Variants in SAP30 observed in about 807,000 individuals in gnomAD.
SAP30 encodes the protein histone deacetylase complex subunit SAP30.
In SAP30, 13 loss-of-function variants were observed where a neutral mutation model predicts 19.6. The ratio of observed to expected loss-of-function variants is 0.66; its 90% CI spans 0.43 to 1.05. The LOEUF (loss-of-function observed/expected upper bound fraction) is 1.05. Ranked by LOEUF, SAP30 falls within the 50% of genes least tolerant of loss-of-function variation. SAP30 has a pLI of 0.00. For synonymous variants in SAP30, 108 were observed against 122.7 expected, an observed-to-expected ratio of 0.88 and a Z score of 0.79; for missense variants, 257 against 292.1, an observed-to-expected ratio of 0.88 and a Z score of 0.88.
chr4:173,375,176 T>C (rs1183807925), intron 3 of SAP30, among the ~76,000 whole-genome samples: 3 of 151,832 alleles, frequency 2.0e-5, no homozygotes, highest in Non-Finnish European at 2.9e-5. Context: ...CTAGACAAAA[T>C]AGAAGTGTAG....
rs201332681 is a variant in SAP30, at chr4:173,371,094, G to C, written c.-89G>C. On this transcript the variant is annotated 5_prime_UTR_variant, in exon 1 of 4. Coordinates refer to ENST00000296504, the MANE Select transcript of SAP30 (RefSeq NM_003864.4). The surrounding 1 kb of genome is among the most constrained non-coding windows in gnomAD (Gnocchi z 6.4). ...GTGCCGCTGTCTAACTTGGTGTGCA[G>C]AGTGAATTGCCGCTGCCGGAGCGGA... 8.9e-4 allele frequency: 1,183 copies of C among 1,331,362 alleles called. 2 individuals are homozygous for C. Among genetic ancestry groups the C allele is most frequent in the Non-Finnish European group, 9.1e-4 (939 of 1,030,748 alleles). The allele number at this position is 1,331,362 out of a possible 1,614,324, so 82.5% of individuals were successfully genotyped here.
chr4:173,375,120 G>A (rs1271979592), intron 3 of SAP30, among the ~76,000 whole-genome samples: 1 of 150,782 alleles, frequency 6.6e-6, no homozygotes, highest in Non-Finnish European at 1.5e-5. Context: ...AGTCACCATG[G>A]GCAACATAGC....
intron 3 of SAP30, among the ~76,000 whole-genome samples, chr4:173,376,031 G>A (rs1299061411): frequency 6.6e-6 from 1 of 152,200 alleles, no homozygotes; most frequent in African/African-American, 2.4e-5. Context: ...CCCTCAATCT[G>A]TGCAAAAATT....
In SAP30 at chr4:173,371,894, C is replaced by G. The variant is rs1033900483; in HGVS notation, c.315+397C>G. On this transcript the variant is annotated intron_variant, in intron 1 of 3. Transcript: ENST00000296504. This position sits in a 1 kb window ranked among gnomAD's most constrained non-coding sequence, Gnocchi z 6.4. ...AGGCGCCTTTGTTTTGCTGCCCAAG[C>G]TGGTGTTTGGCCCCAGGCGGTACTA... Among the ~76,000 whole-genome samples the G allele has an allele frequency of 6.6e-6, 1 of 152,220 alleles. No individual in the cohort carries two copies. Among genetic ancestry groups the G allele is most frequent in the African/African-American group, 2.4e-5 (1 of 41,456 alleles).
At chr4:173,374,108 T>C in intron 3 of SAP30, 71 bp downstream of exon 3, 1 of 785,422 alleles carries the variant, frequency 1.3e-6, no homozygotes, top group Non-Finnish European at 2.1e-6. Flanking sequence ...ATGGAAGTTT[T>C]AATGTAGTGT....
intron 3 of SAP30, among the ~76,000 whole-genome samples, chr4:173,375,097 G>A (rs1739012739): frequency 6.6e-6 from 1 of 150,754 alleles, no homozygotes; most frequent in African/African-American, 2.4e-5. Flanking sequence ...GATTGATTAA[G>A]CCTAGGAGTT....
At chr4:173,374,154 T>TA (rs1560823440) in intron 3 of SAP30, 117 bp downstream of exon 3, 4 of 532,004 alleles carry the variant, frequency 7.5e-6, no homozygotes, top group Middle Eastern at 2.9e-4. Context: ...AGAACAAAGT[T>TA]AAAAAATCTG....
At position 173,371,432 on chromosome 4, in the gene SAP30, AGCT is replaced by A; in HGVS notation, c.251_253del (p.Ser84_Phe85delinsIle). 1.9e-6 allele frequency: 3 copies of A among 1,591,024 alleles called. No individual in the cohort carries two copies. Among genetic ancestry groups the A allele is most frequent in the Admixed American group, 1.7e-5 (1 of 59,768 alleles). ...GTGCGGCCGGGCGGCAGGCAACGCCAGCTTCAGCAAGAGGATCCAGAAGAGCAT... is the reference window on the plus strand; with the variant it reads ...GTGCGGCCGGGCGGCAGGCAACGCCATCAGCAAGAGGATCCAGAAGAGCAT... On this transcript the variant is annotated inframe_deletion, in exon 1 of 4. Transcript: ENST00000296504. The surrounding 1 kb of genome is among the most constrained non-coding windows in gnomAD (Gnocchi z 6.4).
intron 3 of SAP30, among the ~76,000 whole-genome samples, chr4:173,375,868 C>G (rs941683667): frequency 6.6e-6 from 1 of 152,214 alleles, no homozygotes; most frequent in African/African-American, 2.4e-5. Flanking sequence ...AGCTCCGCCT[C>G]CTGTCAGATC....
intron 3 of SAP30, among the ~76,000 whole-genome samples, chr4:173,375,318 T>A (rs1739015840): frequency 1.3e-5 from 2 of 152,176 alleles, no homozygotes; most frequent in South Asian, 4.1e-4. Context: ...TTTTTAACAT[T>A]GTTAAAATCT....
intron 3 of SAP30, 63 bp downstream of exon 3, chr4:173,374,100 G>T (rs1560823429): frequency 1.1e-6 from 1 of 883,776 alleles, no homozygotes; most frequent in South Asian, 1.6e-5. Context: ...AAGTGCTAAT[G>T]GAAGTTTTAA....
rs1186667164 is a variant in SAP30, at chr4:173,373,548, C to T, written c.441+33C>T. 5 of 1,556,526 alleles carry T rather than the reference C, an allele frequency of 3.2e-6. No homozygotes were observed. The East Asian group carries it at 1.1e-4, about 36-fold the overall frequency. On this transcript the variant is annotated intron_variant, in intron 2 of 3. Transcript: ENST00000296504. ...GAAGTTTTTTATGCTTAATGTAAAT[C>T]CTAAGTAGTGCATTCTGAAGCCTTT...
At chr4:173,376,780 A>G (rs1269886783) in intron 3 of SAP30, among the ~76,000 whole-genome samples, 1 of 151,702 alleles carries the variant, frequency 6.6e-6, no homozygotes, top group African/African-American at 2.4e-5. Flanking sequence ...CACCAGGCCT[A>G]TCTAATTTTT....
chr4:173,372,871 C>T (rs1279845426), intron 1 of SAP30, among the ~76,000 whole-genome samples: 1 of 152,234 alleles, frequency 6.6e-6, no homozygotes, highest in Non-Finnish European at 1.5e-5. Context: ...CAACCTCCAA[C>T]CACCAGGTTC....
chr4:173,375,026 T>TTATATA lies in SAP30; in HGVS notation c.540+997_540+1002dup, dbSNP rs3052296. ...GCATCTTATTAAGATGTTTATAGAT[T>TTATATA]TATATATATATATTTTAATCATATT... On this transcript the variant is annotated intron_variant, in intron 3 of 3. Coordinates refer to ENST00000296504, the MANE Select transcript of SAP30 (RefSeq NM_003864.4). 5.0e-3 allele frequency among the ~76,000 whole-genome samples: 733 copies of TTATATA among 147,086 alleles called. 2 individuals carry two copies. Among genetic ancestry groups the TTATATA allele is most frequent in the African/African-American group, 0.015 (608 of 40,694 alleles).
chr4:173,371,054 A>G lies in SAP30; in HGVS notation c.-129A>G, dbSNP rs892536563. 2 of 1,071,574 alleles carry G rather than the reference A, an allele frequency of 1.9e-6. No individual in the cohort carries two copies. 66.4% of individuals were successfully genotyped at this position (1,071,574 alleles called of 1,614,324 possible). ...CAGCAGAGACCAGCAGGCCCGGGACAGTTGGTGTTTGGCCGTGCCGCTGTC... is the reference window on the plus strand; with the variant it reads ...CAGCAGAGACCAGCAGGCCCGGGACGGTTGGTGTTTGGCCGTGCCGCTGTC... On this transcript the variant is annotated 5_prime_UTR_variant, in exon 1 of 4. Coordinates refer to ENST00000296504, the MANE Select transcript of SAP30 (RefSeq NM_003864.4). This position sits in a 1 kb window ranked among gnomAD's most constrained non-coding sequence, Gnocchi z 6.4.
At position 173,377,467 on chromosome 4, in the gene SAP30, T is replaced by A; in HGVS notation, c.*140T>A. On this transcript the variant is annotated 3_prime_UTR_variant, in exon 4 of 4. Transcript: ENST00000296504. ...CTTTGTTTCTGACTCTAATAATTAG[T>A]TGGAAACTCATATAAAATGAGCTTT... 1.3e-6 allele frequency: 1 copy of A among 778,862 alleles called. No individual in the cohort carries two copies. Among genetic ancestry groups the A allele is most frequent in the South Asian group, 1.9e-5 (1 of 52,150 alleles). The allele number at this position is 778,862 out of a possible 1,614,324, so 48.2% of individuals were successfully genotyped here.
Position 173,374,039 on chromosome 4 carries a change from T to C in SAP30, c.540+2T>C. On this transcript the variant is annotated splice_donor_variant, in intron 3 of 3. Coordinates refer to ENST00000296504, the MANE Select transcript of SAP30 (RefSeq NM_003864.4). LOFTEE classifies it high-confidence loss of function. ...CTTAATAAAGCACAACTTGTTGAGG[T>C]ATATATGAGTTTTAAACTATTTGAA... The C allele has an allele frequency of 1.3e-6, 2 of 1,543,344 alleles. No homozygotes were observed. The highest frequency in any genetic ancestry group is 1.2e-5 in the South Asian group (1 of 85,622).
Position 173,371,146 on chromosome 4 carries a change from G to T in SAP30, c.-37G>T, listed in dbSNP as rs1211253953. On this transcript the variant is annotated 5_prime_UTR_variant, in exon 1 of 4. Coordinates refer to ENST00000296504, the MANE Select transcript of SAP30 (RefSeq NM_003864.4). The surrounding 1 kb of genome is among the most constrained non-coding windows in gnomAD (Gnocchi z 6.4). The stretch of plus-strand genomic sequence containing the variant: ...AGAGGCGGAGCGGCCAGGAGAGAGG[G>T]GATTTCTGTCAGCGCCGGCCTCGGG... The T allele has an allele frequency of 6.9e-7, 1 of 1,456,250 alleles. No individual in the cohort carries two copies. Among genetic ancestry groups the T allele is most frequent in the Non-Finnish European group, 9.0e-7 (1 of 1,105,776 alleles). The allele number at this position is 1,456,250 out of a possible 1,614,324, so 90.2% of individuals were successfully genotyped here. A position where few individuals can be genotyped will look rare whatever the true frequency, so the allele number is the denominator to read the frequency against.
Sources: gnomAD v4.1 joint callset for allele counts (sites outside exome capture counted in the v4.1 genomes callset) on GRCh38, gnomAD v4.1.1 for gene constraint, Gnocchi (gnomAD v3.1) non-coding constraint, MANE v1.5 for transcripts, NCBI Gene and HGNC (gene_info 2026-07-23, HGNC 2026-07-21) for gene names.